Variants in COL24A1 observed in about 807,000 individuals in gnomAD.
COL24A1 encodes collagen type XXIV alpha 1 chain.
COL24A1 carries 224 observed loss-of-function variants against 253.9 expected under a neutral mutation model. The ratio of observed to expected loss-of-function variants is 0.88; its 90% CI spans 0.79 to 0.99. The LOEUF is 0.99. COL24A1 is among the 50% of genes least tolerant of loss of function. The pLI is 0.00. For missense variants in COL24A1, 2,131 were observed against 2,068.5 expected, an observed-to-expected ratio of 1.03 and a Z score of -0.59; for synonymous variants, 685 against 673.7, an observed-to-expected ratio of 1.02 and a Z score of -0.26.
intron 37 of COL24A1, among the ~76,000 whole-genome samples, chr1:85,856,398 T>C (rs181957324): frequency 4.0e-4 from 61 of 152,334 alleles, no homozygotes; most frequent in African/African-American, 1.4e-3. Flanking sequence ...TGTATCACTG[T>C]TTTCATTAGT....
intron 25 of COL24A1, among the ~76,000 whole-genome samples, chr1:85,910,213 T>C (rs1685232910): frequency 2.0e-5 from 3 of 151,906 alleles, no homozygotes; most frequent in Admixed American, 1.3e-4. Context: ...AAGATGTTTT[T>C]TGGAGAAAAA....
intron 45 of COL24A1, among the ~76,000 whole-genome samples, chr1:85,818,403 G>C (rs2101942601): frequency 6.6e-6 from 1 of 152,208 alleles, no homozygotes; most frequent in East Asian, 1.9e-4. Flanking sequence ...ATCTCCTTTT[G>C]AAAATGCTAC....
chr1:85,731,754 T>C (rs1284873141), intron 59 of COL24A1, among the ~76,000 whole-genome samples: 1 of 152,156 alleles, frequency 6.6e-6, no homozygotes, highest in Non-Finnish European at 1.5e-5. Context: ...AGACCATCTA[T>C]AGAAAGTACA....
chr1:86,048,191 T>C (rs1182966082), intron 11 of COL24A1, among the ~76,000 whole-genome samples: 1 of 150,298 alleles, frequency 6.7e-6, no homozygotes, highest in Non-Finnish European at 1.5e-5. Flanking sequence ...TATACATGTA[T>C]ATATGTGTAC....
At chr1:86,150,024 T>C (rs996349042) in intron 1 of COL24A1, among the ~76,000 whole-genome samples, 2 of 152,184 alleles carry the variant, frequency 1.3e-5, no homozygotes, top group Non-Finnish European at 2.9e-5. Flanking sequence ...TTTCCTTTTT[T>C]AGCAGTATGG....
At chr1:85,882,274 G>A (rs181750766) in intron 32 of COL24A1, among the ~76,000 whole-genome samples, 2 of 152,064 alleles carry the variant, frequency 1.3e-5, no homozygotes, top group Non-Finnish European at 2.9e-5. Flanking sequence ...TCAGGAGATC[G>A]AGACCACGGT....
rs1017462264 is a variant in COL24A1, at chr1:85,729,790, C to G, written c.*756G>C. ...GAAATCTAATTCTTTTGCGTACAAG[C>G]ACAGGTTACAATGTGCTGGCTTTGA... On this transcript the variant is annotated 3_prime_UTR_variant, in exon 60 of 60. Transcript: ENST00000370571. 6.6e-6 allele frequency: 1 copy of G among 152,454 alleles called. No individual in the cohort carries two copies. Among genetic ancestry groups the G allele is most frequent in the Non-Finnish European group, 1.5e-5 (1 of 68,000 alleles). 9.4% of individuals were successfully genotyped at this position (152,454 alleles called of 1,614,324 possible). A position where few individuals can be genotyped will look rare whatever the true frequency, so the allele number is the denominator to read the frequency against.
At chr1:85,792,865 T>C (rs1311724073) in intron 47 of COL24A1, among the ~76,000 whole-genome samples, 1 of 151,948 alleles carries the variant, frequency 6.6e-6, no homozygotes, top group African/African-American at 2.4e-5. Flanking sequence ...GGAGGGGAAG[T>C]TACCTTTAGT....
intron 4 of COL24A1, 101 bp downstream of exon 4, chr1:86,115,224 G>T: frequency 4.4e-6 from 5 of 1,127,012 alleles, no homozygotes; most frequent in Non-Finnish European, 6.4e-6. Context: ...GAAGATCCAG[G>T]CAGGTTTCCA....
chr1:85,984,597 T>C (rs574715250), intron 20 of COL24A1, among the ~76,000 whole-genome samples: 2 of 152,006 alleles, frequency 1.3e-5, no homozygotes, highest in African/African-American at 4.8e-5. Context: ...CAAGTTCCTA[T>C]GTATGCACCA....
intron 5 of COL24A1, among the ~76,000 whole-genome samples, chr1:86,095,108 C>T (rs554228630): frequency 3.0e-4 from 45 of 151,320 alleles, no homozygotes; most frequent in African/African-American, 1.0e-3. Flanking sequence ...ATAATAAAAC[C>T]CTTTGTGGCC....
chr1:86,098,574 T>C (rs1194388116), intron 5 of COL24A1, among the ~76,000 whole-genome samples: 4 of 152,142 alleles, frequency 2.6e-5, no homozygotes, highest in African/African-American at 9.7e-5. Context: ...TAGAAGAACA[T>C]GGTAAATACT....
At chr1:86,041,387 T>A (rs1699471334) in intron 12 of COL24A1, among the ~76,000 whole-genome samples, 1 of 152,154 alleles carries the variant, frequency 6.6e-6, no homozygotes, top group Non-Finnish European at 1.5e-5. Context: ...TTATTTTCAA[T>A]CCTGGCAAGT....
At chr1:85,895,125 T>C (rs1212989168) in intron 31 of COL24A1, among the ~76,000 whole-genome samples, 3 of 152,204 alleles carry the variant, frequency 2.0e-5, no homozygotes, top group African/African-American at 7.2e-5. Context: ...TGTACTATCT[T>C]ACATGTCTAT....
chr1:85,948,448 C>A (rs975441954), intron 24 of COL24A1, among the ~76,000 whole-genome samples: 18 of 140,544 alleles, frequency 1.3e-4, no homozygotes, highest in Middle Eastern at 4.1e-3. Context: ...GGCGTGAACC[C>A]GGGAGGCGGA....
chr1:85,926,443 A>T (rs1178820383), intron 24 of COL24A1, among the ~76,000 whole-genome samples: 1 of 152,212 alleles, frequency 6.6e-6, no homozygotes, highest in Non-Finnish European at 1.5e-5. Flanking sequence ...GACAGACTGG[A>T]TTAAGAATAT....
At chr1:85,820,902 C>T (rs565163170) in intron 45 of COL24A1, among the ~76,000 whole-genome samples, 118 of 152,252 alleles carry the variant, frequency 7.8e-4, no homozygotes, top group African/African-American at 2.3e-3. Context: ...TTTTAATATG[C>T]AACGTTAATA....
intron 53 of COL24A1, among the ~76,000 whole-genome samples, chr1:85,766,977 G>A (rs1163025069): frequency 4.6e-5 from 7 of 151,968 alleles, no homozygotes; most frequent in Non-Finnish European, 7.4e-5. Flanking sequence ...GGTGATGGGC[G>A]CCTGTAGTCC....
chr1:86,087,303 A>G (rs1161571126), intron 7 of COL24A1, among the ~76,000 whole-genome samples: 2 of 152,208 alleles, frequency 1.3e-5, no homozygotes, highest in South Asian at 2.1e-4. Context: ...CATAGACCAA[A>G]AAGAATATAT....
Sources: gnomAD v4.1 joint callset for allele counts (sites outside exome capture counted in the v4.1 genomes callset) on GRCh38, gnomAD v4.1.1 for gene constraint, MANE v1.5 for transcripts, NCBI Gene and HGNC (gene_info 2026-07-23, HGNC 2026-07-21) for gene names.